Variants in BABAM2 observed in about 807,000 individuals in gnomAD.
The protein encoded by BABAM2 is BRISC and BRCA1 A complex member 2.
Under a neutral mutation model 54.7 loss-of-function variants are expected in BABAM2, and 31 were observed. That is an observed-to-expected ratio of 0.57 (90% CI 0.43 to 0.77). BABAM2 has a LOEUF of 0.77. Ranked by LOEUF, BABAM2 falls within the 30% of genes least tolerant of loss-of-function variation. BABAM2 has a pLI of 0.00. For missense variants in BABAM2, 364 were observed against 455.8 expected (o/e 0.80, Z 1.83); for synonymous variants, 167 against 162.9 (o/e 1.03, Z -0.19).
At chr2:28,335,154 CTTTTTTTTTTTTTT>C (rs56135926) in intron 11 of BABAM2, among the ~76,000 whole-genome samples, 1 of 71,524 alleles carries the variant, frequency 1.4e-5, no homozygotes, top group African/African-American at 6.1e-5. Context: ...CTCCCACCTT[CTTTTTTTTTTTTTT>C]TTTTTTTTTT....
intron 7 of BABAM2, among the ~76,000 whole-genome samples, chr2:28,184,263 CCT>C (rs757881813): frequency 9.9e-4 from 59 of 59,406 alleles, no homozygotes; most frequent in African/African-American, 2.4e-3. Flanking sequence ...TCCCTCCCTC[CCT>C]CTCTCTCTCT....
intron 6 of BABAM2, among the ~76,000 whole-genome samples, chr2:28,108,676 T>C (rs992774232): frequency 4.6e-5 from 7 of 152,236 alleles, no homozygotes; most frequent in Admixed American, 6.5e-5. Context: ...ATGTTCTTCC[T>C]TTTATGAATA....
rs551502366 is a variant in BABAM2, at chr2:28,178,558, T to C, written c.680+49178T>C. 2.6e-5 allele frequency among the ~76,000 whole-genome samples: 4 copies of C among 151,846 alleles called. No individual in the cohort carries two copies. The East Asian group carries it at 7.7e-4, about 29-fold the overall frequency. The stretch of plus-strand genomic sequence containing the variant: ...GCTTACGTCAAAAAGTAGAAAGATT[T>C]CAAATAAACAATCTAATGATGTACC... On this transcript the variant is annotated intron_variant, in intron 7 of 11. Transcript: ENST00000379624.
At chr2:27,950,085 C>T (rs887961912) in intron 3 of BABAM2, among the ~76,000 whole-genome samples, 1 of 152,076 alleles carries the variant, frequency 6.6e-6, no homozygotes, top group Non-Finnish European at 1.5e-5. Flanking sequence ...CAGCAGGAGA[C>T]GGATGTTTTT....
intron 8 of BABAM2, among the ~76,000 whole-genome samples, chr2:28,238,139 C>T (rs1461949046): frequency 1.3e-5 from 2 of 152,168 alleles, no homozygotes; most frequent in African/African-American, 2.4e-5. Flanking sequence ...CGTGAGCCAC[C>T]GCGCCCAGCC....
At chr2:28,113,172 AGTTTCTTTTG>A (rs1215739406) in intron 6 of BABAM2, among the ~76,000 whole-genome samples, 1 of 152,154 alleles carries the variant, frequency 6.6e-6, no homozygotes, top group Non-Finnish European at 1.5e-5. Flanking sequence ...CTCTGATGAT[AGTTTCTTTTG>A]CTGTGCAGAA....
At chr2:28,096,954 G>T (rs756076390) in intron 6 of BABAM2, among the ~76,000 whole-genome samples, 7 of 152,150 alleles carry the variant, frequency 4.6e-5, no homozygotes, top group Non-Finnish European at 1.0e-4. Context: ...CCAACAATAT[G>T]AAAATGTATC....
At chr2:28,176,447 G>A in intron 7 of BABAM2, among the ~76,000 whole-genome samples, 1 of 151,186 alleles carries the variant, frequency 6.6e-6, no homozygotes. Flanking sequence ...GCGCACACCT[G>A]TAGTCCCAGC....
intron 6 of BABAM2, among the ~76,000 whole-genome samples, chr2:28,095,695 C>T (rs1406977691): frequency 1.3e-5 from 2 of 152,142 alleles, no homozygotes; most frequent in East Asian, 1.9e-4. Flanking sequence ...AGATTTGGTA[C>T]TCAGCTGTCC....
rs567502010 is a variant in BABAM2 at position 28,326,258 on chromosome 2, C to T, written c.1089-12192C>T. Among the ~76,000 whole-genome samples the T allele has an allele frequency of 2.6e-5, 4 of 152,302 alleles. No homozygotes were observed. The East Asian group carries it at 5.8e-4, about 22-fold the overall frequency. ...CTGCGTGAGTAGCCCTCCTCCTGGC[C>T]GGGACTGTGGTGAGCTCCCTGCACC... On this transcript the variant is annotated intron_variant, in intron 11 of 11. Transcript: ENST00000379624.
chr2:28,188,755 G>A (rs1676588942), intron 7 of BABAM2, among the ~76,000 whole-genome samples: 1 of 152,154 alleles, frequency 6.6e-6, no homozygotes, highest in South Asian at 2.1e-4. Context: ...CAAATCCACA[G>A]CTCCTTGAAG....
chr2:28,070,889 A>G (rs1664075992), intron 6 of BABAM2, among the ~76,000 whole-genome samples: 1 of 152,188 alleles, frequency 6.6e-6, no homozygotes, highest in South Asian at 2.1e-4. Context: ...ACCTTTAGAA[A>G]AAAAGGTGTT....
At chr2:28,286,682 A>G (rs1686847188) in intron 10 of BABAM2, among the ~76,000 whole-genome samples, 1 of 152,138 alleles carries the variant, frequency 6.6e-6, no homozygotes, top group African/African-American at 2.4e-5. Context: ...GTCTCATCTA[A>G]TAAGCCTCCT....
intron 11 of BABAM2, chr2:28,327,576 A>T (rs1300744300): frequency 8.5e-6 from 9 of 1,063,094 alleles, no homozygotes; most frequent in Non-Finnish European, 1.2e-5. Flanking sequence ...TTAATTCAAC[A>T]CATACTGAGA....
chr2:28,143,758 C>G (rs752040955), intron 7 of BABAM2, among the ~76,000 whole-genome samples: 2 of 152,154 alleles, frequency 1.3e-5, no homozygotes, highest in Non-Finnish European at 2.9e-5. Context: ...ATGTGTTAAG[C>G]GCTCTATACC....
intron 7 of BABAM2, among the ~76,000 whole-genome samples, chr2:28,222,638 C>T (rs1157493010): frequency 6.6e-6 from 1 of 152,200 alleles, no homozygotes; most frequent in African/African-American, 2.4e-5. Context: ...CTTAAGAAAA[C>T]AGTAGCAATC....
chr2:28,167,388 G>A (rs1182288383), intron 7 of BABAM2, among the ~76,000 whole-genome samples: 1 of 152,102 alleles, frequency 6.6e-6, no homozygotes, highest in African/African-American at 2.4e-5. Flanking sequence ...TTAATAACGG[G>A]TTATTTTTAA....
chr2:28,030,881 AC>A (rs1171278895), intron 5 of BABAM2, among the ~76,000 whole-genome samples: 5 of 152,212 alleles, frequency 3.3e-5, no homozygotes, highest in Admixed American at 3.3e-4. Context: ...TCTAAAGGAA[AC>A]CGTTTCAGGG....
At chr2:28,227,136 A>G (rs575787643) in intron 7 of BABAM2, among the ~76,000 whole-genome samples, 4 of 152,102 alleles carry the variant, frequency 2.6e-5, no homozygotes, top group African/African-American at 9.7e-5. Flanking sequence ...CTCAAAGCCC[A>G]GATTTTTTTT....
Sources: gnomAD v4.1 joint callset for allele counts (sites outside exome capture counted in the v4.1 genomes callset) on GRCh38, gnomAD v4.1.1 for gene constraint, MANE v1.5 for transcripts, NCBI Gene and HGNC (gene_info 2026-07-23, HGNC 2026-07-21) for gene names.